The following ERC2 variants were observed in gnomAD, a reference collection of about 807,000 sequenced individuals.
ERC2 encodes the protein ERC protein 2.
Under a neutral mutation model 114.8 loss-of-function variants are expected in ERC2, and 42 were observed. The ratio of observed to expected loss-of-function variants is 0.37; its 90% confidence interval spans 0.29 to 0.47. The LOEUF (loss-of-function observed/expected upper bound fraction) is 0.47. ERC2 is among the 20% of genes least tolerant of loss of function. The probability of loss-of-function intolerance (pLI) is 0.99; values close to 1 mark genes in which losing one functional copy is unlikely to be tolerated. For synonymous variants in ERC2, 454 were observed against 425.5 expected (o/e 1.07, Z -0.82); for missense variants, 939 against 1,150.7 (o/e 0.82, Z 2.66).
chr3:55,604,733 T>A (rs2058568525), intron 17 of ERC2, among the ~76,000 whole-genome samples: 1 of 152,220 alleles, frequency 6.6e-6, no homozygotes, highest in Non-Finnish European at 1.5e-5. Flanking sequence ...TTTGTAAAGA[T>A]CACTCTGCCA....
chr3:55,594,856 T>C (rs2058058657), intron 17 of ERC2, among the ~76,000 whole-genome samples: 1 of 152,070 alleles, frequency 6.6e-6, no homozygotes, highest in Admixed American at 6.6e-5. Flanking sequence ...TCAGTCTTTT[T>C]CAAAACCCCA....
intron 2 of ERC2, among the ~76,000 whole-genome samples, chr3:56,381,768 G>A (rs2059761788): frequency 1.3e-5 from 2 of 151,622 alleles, no homozygotes; most frequent in African/African-American, 4.8e-5. Flanking sequence ...AAAAAGGGGG[G>A]GGTGGAAAAA....
intron 17 of ERC2, among the ~76,000 whole-genome samples, chr3:55,578,472 C>T (rs1022205771): frequency 1.3e-5 from 2 of 152,166 alleles, no homozygotes; most frequent in Non-Finnish European, 2.9e-5. Flanking sequence ...AAGGCCTTTA[C>T]TCAGCGTTTT....
rs539085227 is a variant in ERC2, at chr3:55,892,663, T to C, written c.2404-4114A>G. ...CCTCCCAAGTCCCACCACCTAGAAGTAAACATTATAAACATTGTTATAATT... is the reference window on the plus strand; with the variant it reads ...CCTCCCAAGTCCCACCACCTAGAAGCAAACATTATAAACATTGTTATAATT... On this transcript the variant is annotated intron_variant, in intron 13 of 17. Transcript: ENST00000288221. 5.9e-5 allele frequency among the ~76,000 whole-genome samples: 9 copies of C among 152,304 alleles called. No homozygotes were observed. The South Asian group carries it at 1.9e-3, about 32-fold the overall frequency.
At chr3:55,782,962 T>C (rs565149954) in intron 14 of ERC2, among the ~76,000 whole-genome samples, 1 of 152,166 alleles carries the variant, frequency 6.6e-6, no homozygotes, top group Non-Finnish European at 1.5e-5. Context: ...ATTCAACAGA[T>C]GGTAAATAGC....
chr3:56,312,733 A>G (rs1326407190), intron 2 of ERC2, among the ~76,000 whole-genome samples: 1 of 149,198 alleles, frequency 6.7e-6, no homozygotes, highest in Non-Finnish European at 1.5e-5. Context: ...TCTCGGTGGA[A>G]TTTTAAGTGA....
chr3:55,769,976 C>T (rs1257529211), intron 14 of ERC2, among the ~76,000 whole-genome samples: 2 of 152,212 alleles, frequency 1.3e-5, no homozygotes, highest in Non-Finnish European at 2.9e-5. Flanking sequence ...TGCAGGCCTT[C>T]CTGTAGGAAA....
intron 6 of ERC2, among the ~76,000 whole-genome samples, chr3:56,111,433 C>G (rs559046241): frequency 9.9e-5 from 15 of 151,918 alleles, no homozygotes; most frequent in South Asian, 6.3e-4. Flanking sequence ...TCTCTCTCAC[C>G]AGCTCCAAGA....
At chr3:55,851,530 G>C (rs889269008) in intron 14 of ERC2, among the ~76,000 whole-genome samples, 4 of 152,004 alleles carry the variant, frequency 2.6e-5, no homozygotes, top group African/African-American at 9.7e-5. Context: ...AGATCACCAG[G>C]GCTTTATTTA....
intron 15 of ERC2, among the ~76,000 whole-genome samples, chr3:55,707,563 A>C (rs1197865075): frequency 1.3e-5 from 2 of 152,220 alleles, no homozygotes; most frequent in African/African-American, 4.8e-5. Context: ...ACAGCCCATG[A>C]GGAAGGATTA....
chr3:56,416,458 C>T (rs1310735677), intron 2 of ERC2, among the ~76,000 whole-genome samples: 2 of 152,022 alleles, frequency 1.3e-5, no homozygotes, highest in East Asian at 3.9e-4. Flanking sequence ...TCAGTTACCA[C>T]CCTTCAAAGC....
chr3:56,274,311 G>C (rs2053850445), intron 3 of ERC2, among the ~76,000 whole-genome samples: 3 of 152,124 alleles, frequency 2.0e-5, no homozygotes, highest in African/African-American at 7.2e-5. Context: ...CCCCTGCCCA[G>C]CCCTGTTTGT....
chr3:56,138,047 A>ATTTTTTTTTT, intron 6 of ERC2, among the ~76,000 whole-genome samples: 1 of 114,390 alleles, frequency 8.7e-6, no homozygotes, highest in African/African-American at 3.2e-5. Flanking sequence ...TGAAAATGGT[A>ATTTTTTTTTT]TTTCTTTTTT....
chr3:56,375,689 C>T (rs1316376930), intron 2 of ERC2, among the ~76,000 whole-genome samples: 1 of 152,130 alleles, frequency 6.6e-6, no homozygotes, highest in Non-Finnish European at 1.5e-5. Flanking sequence ...TGTTAGGCAG[C>T]TTCGTAAATT....
intron 2 of ERC2, among the ~76,000 whole-genome samples, chr3:56,371,287 C>T (rs1323501427): frequency 6.6e-6 from 1 of 152,176 alleles, no homozygotes; most frequent in East Asian, 1.9e-4. Context: ...CTATTCTGTG[C>T]CCCTACTTCC....
intron 7 of ERC2, among the ~76,000 whole-genome samples, chr3:56,066,775 T>A (rs1284684122): frequency 6.6e-6 from 1 of 151,192 alleles, no homozygotes; most frequent in African/African-American, 2.4e-5. Flanking sequence ...GCATATGGCC[T>A]ATTTTCCCAG....
chr3:56,181,465 G>A (rs2083284401), intron 3 of ERC2, among the ~76,000 whole-genome samples: 1 of 152,142 alleles, frequency 6.6e-6, no homozygotes, highest in Non-Finnish European at 1.5e-5. Context: ...AGAACATATG[G>A]CCCTGCAAAG....
At chr3:56,409,624 G>C (rs543986665) in intron 2 of ERC2, among the ~76,000 whole-genome samples, 13 of 152,144 alleles carry the variant, frequency 8.5e-5, no homozygotes, top group Admixed American at 3.9e-4. Flanking sequence ...AAGGCAGTTG[G>C]AGATAGGGAG....
At chr3:56,108,723 A>T (rs915857113) in intron 6 of ERC2, among the ~76,000 whole-genome samples, 1 of 152,160 alleles carries the variant, frequency 6.6e-6, no homozygotes, top group Non-Finnish European at 1.5e-5. Flanking sequence ...CTAGAAATCA[A>T]CTAGGGGGAA....
Sources: gnomAD v4.1 joint callset for allele counts (sites outside exome capture counted in the v4.1 genomes callset) on GRCh38, gnomAD v4.1.1 for gene constraint, MANE v1.5 for transcripts, NCBI Gene and HGNC (gene_info 2026-07-23, HGNC 2026-07-21) for gene names.